Variants in RPS6KA2 observed in about 807,000 individuals in gnomAD.
RPS6KA2 encodes the protein ribosomal protein S6 kinase A2.
Under a neutral mutation model 91.8 loss-of-function variants are expected in RPS6KA2, and 42 were observed. That is an observed-to-expected ratio of 0.46 (90% CI 0.36 to 0.59). RPS6KA2 has a LOEUF of 0.59. RPS6KA2 is among the 20% of genes least tolerant of loss of function. The probability of loss-of-function intolerance (pLI) is 0.00; values close to 1 mark genes in which losing one functional copy is unlikely to be tolerated. For missense variants in RPS6KA2, 798 were observed against 978.5 expected (o/e 0.82, Z 2.46); for synonymous variants, 414 against 393.6 (o/e 1.05, Z -0.61).
At position 166,726,976 on chromosome 6, in the gene RPS6KA2, T is replaced by G. The variant is rs74706505; in HGVS notation, c.123+131224A>C. Among the ~76,000 whole-genome samples the G allele has an allele frequency of 0.017, 2,511 of 152,158 alleles. 57 individuals are homozygous for G. The highest frequency in any genetic ancestry group is 0.1 in the East Asian group (513 of 5,154). ...ACTTGCACTCATGAAGACATGGCCA[T>G]TCCCAGGTATCTAGGTGTTCCTCCA... On this transcript the variant is annotated intron_variant, in intron 2 of 21. Transcript: ENST00000503859. The surrounding 1 kb of genome is among the most constrained non-coding windows in gnomAD (Gnocchi z 4.4).
intron 2 of RPS6KA2, among the ~76,000 whole-genome samples, chr6:166,681,259 C>G (rs1396916240): frequency 3.3e-5 from 5 of 152,134 alleles, no homozygotes; most frequent in African/African-American, 1.2e-4. Context: ...ATGCCATACC[C>G]CACGACAAAA....
At chr6:166,488,081 T>A (rs1335122158) in intron 10 of RPS6KA2, among the ~76,000 whole-genome samples, 1 of 142,570 alleles carries the variant, frequency 7.0e-6, no homozygotes, top group African/African-American at 2.5e-5. Context: ...ATCTATGAGG[T>A]TAGAGTTTAA....
intron 2 of RPS6KA2, among the ~76,000 whole-genome samples, chr6:166,834,830 A>AT (rs1554261763): frequency 0.13 from 8,449 of 65,580 alleles, 260 homozygotes; most frequent in Middle Eastern, 0.26. Context: ...ATGGCGTCCT[A>AT]TTATTTATTT....
intron 1 of RPS6KA2, among the ~76,000 whole-genome samples, chr6:166,606,493 T>C (rs745796134): frequency 2.9e-4 from 44 of 152,166 alleles, no homozygotes; most frequent in Non-Finnish European, 5.4e-4. Flanking sequence ...TGGAATAATA[T>C]GGTTAACACA....
At chr6:166,628,229 A>G (rs1388409190), upstream of RPS6KA2, among the ~76,000 whole-genome samples, 1 of 152,056 alleles carries the variant, frequency 6.6e-6, no homozygotes, top group Non-Finnish European at 1.5e-5. Flanking sequence ...TTTTCCTAGA[A>G]ATGCTCACCA....
chr6:166,628,017 C>T (rs1307838248), upstream of RPS6KA2: 3 of 152,060 alleles, frequency 2.0e-5, no homozygotes, highest in African/African-American at 7.2e-5. Flanking sequence ...CGGGGCGCCT[C>T]CCTCCCGCGG....
intron 3 of RPS6KA2, among the ~76,000 whole-genome samples, chr6:166,530,165 C>T (rs1477617963): frequency 6.6e-6 from 1 of 152,188 alleles, no homozygotes; most frequent in African/African-American, 2.4e-5. Context: ...TGTTGCAAGA[C>T]CTAAAAATTC....
At chr6:166,632,611 C>CA (rs34051695) in intron 2 of RPS6KA2, among the ~76,000 whole-genome samples, 1,462 of 119,370 alleles carry the variant, frequency 0.012, 19 homozygotes, top group South Asian at 0.071. Flanking sequence ...AACTCCATCT[C>CA]AAAAAAAAAA....
intron 1 of RPS6KA2, among the ~76,000 whole-genome samples, chr6:166,859,525 G>C (rs145076862): frequency 6.6e-5 from 10 of 152,276 alleles, no homozygotes; most frequent in Non-Finnish European, 1.3e-4. Flanking sequence ...TGGAGGTTCT[G>C]GCTCTTAATG....
At chr6:166,414,704 CA>C (rs1328292966) in intron 19 of RPS6KA2, among the ~76,000 whole-genome samples, 3 of 152,214 alleles carry the variant, frequency 2.0e-5, no homozygotes, top group Non-Finnish European at 2.9e-5. Context: ...GATGAGAATC[CA>C]TATTCTCTCC....
At chr6:166,751,188 C>T (rs988056334) in intron 2 of RPS6KA2, among the ~76,000 whole-genome samples, 1 of 152,194 alleles carries the variant, frequency 6.6e-6, no homozygotes, top group Non-Finnish European at 1.5e-5. Context: ...TTTGCCAGCC[C>T]CGTGCTCCTC....
At position 166,770,034 on chromosome 6, in the gene RPS6KA2, T is replaced by G. The variant is rs922261048; in HGVS notation, c.123+88166A>C. Among the ~76,000 whole-genome samples, 3 of 152,194 alleles carry G rather than the reference T, an allele frequency of 2.0e-5. No individual in the cohort carries two copies. Among genetic ancestry groups the G allele is most frequent in the African/African-American group, 7.2e-5 (3 of 41,444 alleles). ...GCGCAGTTTAACGTATCAATGTAGA[T>G]GAACATAAGCTCAACCAGAAACCAA... On this transcript the variant is annotated intron_variant, in intron 2 of 21. Transcript: ENST00000503859. This position sits in a 1 kb window ranked among gnomAD's most constrained non-coding sequence, Gnocchi z 5.1.
At chr6:166,469,751 C>T in intron 11 of RPS6KA2, 90 bp downstream of exon 11, 1 of 1,167,436 alleles carries the variant, frequency 8.6e-7, no homozygotes, top group Non-Finnish European at 1.3e-6. Context: ...GTGACCCGGA[C>T]ACTGAGGACC....
Position 166,511,819 on chromosome 6 carries a change from A to G in RPS6KA2, c.299-1462T>C, listed in dbSNP as rs528929814. Reference sequence around the variant, plus strand: ...AAAATTACAAACTGGGAGGATGTGGAGAACTTGGAACCATCATGCATTGCT... The same window carrying G: ...AAAATTACAAACTGGGAGGATGTGGGGAACTTGGAACCATCATGCATTGCT... On this transcript the variant is annotated intron_variant, in intron 3 of 20. Transcript: ENST00000265678. 5.2e-4 allele frequency among the ~76,000 whole-genome samples: 79 copies of G among 152,352 alleles called. 1 individual carries two copies. The South Asian group carries it at 0.016, about 31-fold the overall frequency.
chr6:166,723,704 CTT>C (rs1249150694), intron 2 of RPS6KA2, among the ~76,000 whole-genome samples: 12 of 139,586 alleles, frequency 8.6e-5, no homozygotes, highest in Admixed American at 2.1e-4. Context: ...CTTTTCTTTT[CTT>C]TTTTTTTTTT....
intron 15 of RPS6KA2, among the ~76,000 whole-genome samples, chr6:166,431,118 G>A (rs1295716832): frequency 6.6e-6 from 1 of 152,150 alleles, no homozygotes; most frequent in Non-Finnish European, 1.5e-5. Flanking sequence ...AGTAGAGACA[G>A]GGTTTCACCA....
intron 2 of RPS6KA2, among the ~76,000 whole-genome samples, chr6:166,773,763 G>A (rs113624136): frequency 7.2e-5 from 11 of 152,132 alleles, no homozygotes; most frequent in African/African-American, 2.2e-4. Flanking sequence ...CCACATTATC[G>A]TCAAAATACG....
chr6:166,783,176 C>A (rs949716833), intron 2 of RPS6KA2, among the ~76,000 whole-genome samples: 1 of 151,488 alleles, frequency 6.6e-6, no homozygotes, highest in Admixed American at 6.6e-5. Flanking sequence ...GCAGCCTCGA[C>A]CTCCTGGAAT....
chr6:166,596,366 G>C (rs1785533419), intron 1 of RPS6KA2, among the ~76,000 whole-genome samples: 1 of 152,172 alleles, frequency 6.6e-6, no homozygotes, highest in African/African-American at 2.4e-5. Context: ...AACTGGGAGA[G>C]GCAGACCCAC....
Sources: allele counts gnomAD v4.1 joint callset (sites outside exome capture counted in the v4.1 genomes callset), GRCh38; gene constraint gnomAD v4.1.1; non-coding constraint Gnocchi (gnomAD v3.1); transcripts MANE v1.5; gene names NCBI Gene and HGNC (gene_info 2026-07-23, HGNC 2026-07-21).